The following FIG4 variants were observed in gnomAD, a reference collection of about 807,000 sequenced individuals.
The protein encoded by FIG4 is FIG4 phosphoinositide 5-phosphatase, also known as polyphosphoinositide phosphatase.
Under a neutral mutation model 118.6 loss-of-function variants are expected in FIG4, and 112 were observed. The ratio of observed to expected loss-of-function variants is 0.94; its 90% CI spans 0.81 to 1.11. The LOEUF (loss-of-function observed/expected upper bound fraction) is 1.11. Among genes scored for constraint, FIG4 ranks in the 50% least tolerant of loss-of-function variants. The pLI is 0.00. For synonymous variants in FIG4, 369 were observed against 381.2 expected, an observed-to-expected ratio of 0.97 and a Z score of 0.37; for missense variants, 969 against 1,111.7, an observed-to-expected ratio of 0.87 and a Z score of 1.83.
intron 22 of FIG4, among the ~76,000 whole-genome samples, chr6:109,803,399 C>T (rs1778476343): frequency 1.3e-5 from 2 of 152,094 alleles, no homozygotes; most frequent in Admixed American, 1.3e-4. Flanking sequence ...TTTGAGAGGC[C>T]AGGGGTTTTA....
At chr6:109,738,241 A>G (rs1327628942) in intron 6 of FIG4, 84 bp from the exon 7 acceptor site, 8 of 1,180,628 alleles carry the variant, frequency 6.8e-6, no homozygotes, top group African/African-American at 1.5e-5. Context: ...GCCAATTTCC[A>G]TATCTTTCTG....
At chr6:109,724,493 C>T (rs1056182302) in intron 3 of FIG4, among the ~76,000 whole-genome samples, 1 of 152,164 alleles carries the variant, frequency 6.6e-6, no homozygotes, top group Admixed American at 6.5e-5. Flanking sequence ...GGAGAATTCT[C>T]CTGAGGTTGT....
rs750369726 is a variant in FIG4 at position 109,743,171 on chromosome 6, T to G, written c.938T>G (p.Phe313Cys). 1.2e-6 allele frequency: 2 copies of G among 1,613,074 alleles called. No individual in the cohort carries two copies. The highest frequency in any genetic ancestry group is 1.7e-6 in the Non-Finnish European group (2 of 1,179,276). ...CTCTGCGATGCTTCTGTGATGTCTT[T>G]CACTGCAGGAAGTTATTCTTCATAT... ...QILCDASVMS[F>C]TAGSYSSYVQ... The change falls in exon 9 of 23, where the codon TTC (phenylalanine) becomes TGC (cysteine). Residue 313 changes from phenylalanine to cysteine, a missense_variant. Physicochemically the swap from Phe to Cys is radical, Grantham distance 205. Coordinates refer to ENST00000230124, the MANE Select transcript of FIG4 (RefSeq NM_014845.6).
chr6:109,796,625 G>A (rs1476852286), intron 21 of FIG4, 140 bp from the exon 22 acceptor site: 2 of 721,016 alleles, frequency 2.8e-6, no homozygotes, highest in East Asian at 2.5e-5. Flanking sequence ...AAAGTCTTAT[G>A]TTACATACAG....
At chr6:109,819,033 A>G (rs563762100) in intron 22 of FIG4, among the ~76,000 whole-genome samples, 2 of 152,298 alleles carry the variant, frequency 1.3e-5, no homozygotes, top group South Asian at 4.1e-4. Context: ...TGCTGTAAGT[A>G]GGACCCACTC....
intron 3 of FIG4, among the ~76,000 whole-genome samples, chr6:109,717,952 G>A (rs773051585): frequency 1.3e-5 from 2 of 152,134 alleles, no homozygotes; most frequent in South Asian, 2.1e-4. Flanking sequence ...GTATTGGTTC[G>A]TTCTCGCATT....
At position 109,749,588 on chromosome 6, in the gene FIG4, TAATAAAATAAAATAA is replaced by T. The variant is rs56866401; in HGVS notation, c.1137+5834_1137+5848del. ...TAGACAGAGCACGACCCTGCCTCAA[TAATAAAATAAAATAA>T]AATAAAATAAAATAAAAAGTAAGTT... On this transcript the variant is annotated intron_variant, in intron 10 of 22. Transcript: ENST00000230124. Among the ~76,000 whole-genome samples, 7 of 141,764 alleles carry T rather than the reference TAATAAAATAAAATAA, an allele frequency of 4.9e-5. No homozygotes were observed. The Admixed American group carries it at 5.0e-4, about 10-fold the overall frequency. 93.0% of individuals were successfully genotyped at this position (141,764 alleles called of 152,430 possible).
At chr6:109,768,420 C>T (rs1777347280) in intron 15 of FIG4, among the ~76,000 whole-genome samples, 1 of 152,210 alleles carries the variant, frequency 6.6e-6, no homozygotes, top group East Asian at 1.9e-4. Flanking sequence ...TGTTATGCTC[C>T]TGTCCAACTG....
At chr6:109,810,588 A>G (rs1290496132) in intron 22 of FIG4, among the ~76,000 whole-genome samples, 1 of 152,244 alleles carries the variant, frequency 6.6e-6, no homozygotes, top group Non-Finnish European at 1.5e-5. Flanking sequence ...CTGTTTAGCC[A>G]CGACAGACAT....
At position 109,803,251 on chromosome 6, in the gene FIG4, A is replaced by G. The variant is rs555920329; in HGVS notation, c.2546+6400A>G. On this transcript the variant is annotated intron_variant, in intron 22 of 22. Transcript: ENST00000230124. The stretch of plus-strand genomic sequence containing the variant: ...GATTAGAGGCAGGGCGATAAACAAC[A>G]TATCTGTTGGAAACATCAGGACAAG... 3.9e-5 allele frequency among the ~76,000 whole-genome samples: 6 copies of G among 152,344 alleles called. No individual in the cohort carries two copies. The East Asian group carries it at 7.7e-4, about 20-fold the overall frequency.
chr6:109,820,431 A>C (rs1778972868), intron 22 of FIG4, among the ~76,000 whole-genome samples: 1 of 152,010 alleles, frequency 6.6e-6, no homozygotes, highest in Non-Finnish European at 1.5e-5. Flanking sequence ...GTCTCCCATC[A>C]CTCAGATAGC....
chr6:109,756,360 G>T (rs1032441409), intron 10 of FIG4, among the ~76,000 whole-genome samples: 4 of 152,136 alleles, frequency 2.6e-5, no homozygotes, highest in African/African-American at 9.7e-5. Flanking sequence ...CTCTCTGGCT[G>T]CCCTTAACAT....
Position 109,796,760 on chromosome 6 carries a change from T to G in FIG4, c.2460-5T>G. On this transcript the variant is annotated splice_region_variant and splice_polypyrimidine_tract_variant and intron_variant, in intron 21 of 22. Coordinates refer to ENST00000230124, the MANE Select transcript of FIG4 (RefSeq NM_014845.6). Reference sequence around the variant, plus strand: ...TAGCTGACTCTTATCCATTGTAATTTGTAGATTTGTTCAGCTGGGGCAGAG... The same window carrying G: ...TAGCTGACTCTTATCCATTGTAATTGGTAGATTTGTTCAGCTGGGGCAGAG... 6.3e-7 allele frequency: 1 copy of G among 1,580,348 alleles called. No individual in the cohort carries two copies. Among genetic ancestry groups the G allele is most frequent in the Non-Finnish European group, 8.7e-7 (1 of 1,149,224 alleles).
chr6:109,758,544 A>G (rs1348578341), intron 10 of FIG4, among the ~76,000 whole-genome samples: 2 of 152,258 alleles, frequency 1.3e-5, no homozygotes, highest in African/African-American at 4.8e-5. Flanking sequence ...GGACATAGGC[A>G]TAGGCAAAGA....
intron 8 of FIG4, 54 bp downstream of exon 8, chr6:109,741,598 G>T: frequency 8.9e-7 from 1 of 1,125,112 alleles, no homozygotes. Context: ...TATCAGCTTT[G>T]CTGATGTAGA....
At chr6:109,824,462 G>A (rs1583784949) in intron 22 of FIG4, among the ~76,000 whole-genome samples, 1 of 152,110 alleles carries the variant, frequency 6.6e-6, no homozygotes, top group African/African-American at 2.4e-5. Flanking sequence ...GTTTCAGTTG[G>A]GTTATATTTT....
intron 1 of FIG4, among the ~76,000 whole-genome samples, chr6:109,700,452 ATAAT>A (rs1774872409): frequency 1.3e-5 from 2 of 152,256 alleles, no homozygotes; most frequent in African/African-American, 4.8e-5. Flanking sequence ...CAACTTGCAA[ATAAT>A]TAAAGCAATA....
intron 11 of FIG4, among the ~76,000 whole-genome samples, chr6:109,761,854 A>G (rs754902540): frequency 3.3e-5 from 5 of 152,250 alleles, no homozygotes; most frequent in Non-Finnish European, 5.9e-5. Context: ...AAGGATCACC[A>G]ATATTTGATA....
intron 3 of FIG4, among the ~76,000 whole-genome samples, chr6:109,718,034 C>T (rs1427784131): frequency 1.3e-5 from 2 of 152,124 alleles, no homozygotes; most frequent in African/African-American, 2.4e-5. Context: ...GTTCTGCAGG[C>T]TGTACAGGAA....
Sources: gnomAD v4.1 joint callset for allele counts (sites outside exome capture counted in the v4.1 genomes callset) on GRCh38, gnomAD v4.1.1 for gene constraint, MANE v1.5 for transcripts, NCBI Gene and HGNC (gene_info 2026-07-23, HGNC 2026-07-21) for gene names.